VASH2: variants seen among roughly 807,000 people sequenced by gnomAD.
VASH2 encodes vasohibin 2, also known as tubulinyl-Tyr carboxypeptidase 2.
Under a neutral mutation model 37.2 loss-of-function variants are expected in VASH2, and 28 were observed. The ratio of observed to expected loss-of-function variants is 0.75; its 90% CI spans 0.56 to 1.03. VASH2 has a LOEUF of 1.03. Among genes scored for constraint, VASH2 ranks in the 50% least tolerant of loss-of-function variants. VASH2 has a pLI of 0.00. For missense variants in VASH2, 419 were observed against 459.1 expected, an observed-to-expected ratio of 0.91 and a Z score of 0.80; for synonymous variants, 188 against 174.7, an observed-to-expected ratio of 1.08 and a Z score of -0.60.
At chr1:212,953,707 A>C (rs928028227) in intron 2 of VASH2, among the ~76,000 whole-genome samples, 4 of 152,162 alleles carry the variant, frequency 2.6e-5, no homozygotes, top group Non-Finnish European at 4.4e-5. Flanking sequence ...ATGGGAATAG[A>C]CCAGACTTTG....
chr1:212,965,010 T>A (rs984673855), intron 3 of VASH2, among the ~76,000 whole-genome samples: 41 of 151,946 alleles, frequency 2.7e-4, no homozygotes, highest in African/African-American at 9.9e-4. Context: ...AAATTCTGCC[T>A]CTTAGATTCA....
intron 6 of VASH2, chr1:212,973,501 C>A: frequency 7.7e-7 from 1 of 1,290,744 alleles, no homozygotes; most frequent in East Asian, 5.5e-5. Flanking sequence ...GACTTGTCAT[C>A]TTCACTCTGC....
intron 2 of VASH2, among the ~76,000 whole-genome samples, chr1:212,960,413 C>G (rs1043929691): frequency 2.0e-5 from 3 of 152,056 alleles, no homozygotes; most frequent in Non-Finnish European, 4.4e-5. Flanking sequence ...AGAGTCGAGG[C>G]AAGAGGAGGG....
chr1:212,982,324 G>T (rs1333318864), intron 7 of VASH2, among the ~76,000 whole-genome samples: 2 of 152,282 alleles, frequency 1.3e-5, no homozygotes, highest in Admixed American at 6.5e-5. Flanking sequence ...TGTTGCCGGA[G>T]AACCTTGAAA....
chr1:212,985,844 C>T (rs923802876), intron 7 of VASH2, among the ~76,000 whole-genome samples: 1 of 152,200 alleles, frequency 6.6e-6, no homozygotes, highest in African/African-American at 2.4e-5. Flanking sequence ...CTACTAACTG[C>T]CACACCACAC....
At chr1:212,979,591 T>C (rs114679151) in intron 7 of VASH2, among the ~76,000 whole-genome samples, 162 of 152,310 alleles carry the variant, frequency 1.1e-3, no homozygotes, top group African/African-American at 3.8e-3. Flanking sequence ...AGCCTTGAAT[T>C]CCTCTCCATT....
chr1:212,963,713 T>C (rs1338909393), intron 3 of VASH2, among the ~76,000 whole-genome samples: 1 of 152,090 alleles, frequency 6.6e-6, no homozygotes, highest in Non-Finnish European at 1.5e-5. Flanking sequence ...CCAGCCCACT[T>C]TCAGGGACTC....
At chr1:212,975,352 CT>C (rs1284144502) in intron 7 of VASH2, among the ~76,000 whole-genome samples, 1 of 152,200 alleles carries the variant, frequency 6.6e-6, no homozygotes, top group Non-Finnish European at 1.5e-5. Flanking sequence ...GGCTGTCGTT[CT>C]GGGTTGGGAA....
intron 3 of VASH2, 40 bp downstream of exon 3, chr1:212,961,294 G>A (rs757466503): frequency 6.2e-7 from 1 of 1,613,614 alleles, no homozygotes; most frequent in Non-Finnish European, 8.5e-7. Context: ...CCAGCCAGGG[G>A]ACAGGCATGG....
In VASH2 at chr1:212,972,981, G is replaced by A; in HGVS notation, c.879+20G>A. On this transcript the variant is annotated intron_variant, in intron 6 of 7. Coordinates refer to ENST00000517399, the MANE Select transcript of VASH2 (RefSeq NM_001301056.2). ...ATGAAGGTGGGTGCTGGGAAGACAA[G>A]GAAGCCATGCAGGAGAGCTCTTTTC... 6.2e-7 allele frequency: 1 copy of A among 1,603,202 alleles called. No individual in the cohort carries two copies. The highest frequency in any genetic ancestry group is 8.5e-7 in the Non-Finnish European group (1 of 1,179,470).
At chr1:212,966,884 T>A in intron 5 of VASH2, 1 of 364,160 alleles carries the variant, frequency 2.7e-6, no homozygotes, top group Non-Finnish European at 5.4e-6. Flanking sequence ...CAGGCCACCA[T>A]GCCCGGCTAA....
In VASH2 at chr1:212,990,819, CCTA is replaced by C. The variant is rs1444071922; in HGVS notation, c.*2238_*2240del. 1 of 152,000 alleles carries C rather than the reference CCTA, an allele frequency of 6.6e-6. No homozygotes were observed. The highest frequency in any genetic ancestry group is 1.5e-5 in the Non-Finnish European group (1 of 68,018). 9.4% of individuals were successfully genotyped at this position (152,000 alleles called of 1,614,324 possible). ...CATTTAAAATGTTCTTAGTTGTCAT[CCTA>C]CTTTTATTGCCTATGGAATATGCTA... On this transcript the variant is annotated 3_prime_UTR_variant, in exon 8 of 8. Coordinates refer to ENST00000517399, the MANE Select transcript of VASH2 (RefSeq NM_001301056.2).
At chr1:212,964,110 A>G (rs1666762911) in intron 3 of VASH2, among the ~76,000 whole-genome samples, 1 of 152,150 alleles carries the variant, frequency 6.6e-6, no homozygotes, top group African/African-American at 2.4e-5. Flanking sequence ...CTCACCCTGG[A>G]GCTTCCTGCT....
intron 2 of VASH2, among the ~76,000 whole-genome samples, chr1:212,954,936 C>T (rs1380010014): frequency 1.3e-5 from 2 of 152,182 alleles, no homozygotes; most frequent in Non-Finnish European, 2.9e-5. Flanking sequence ...CTGGTCCTGA[C>T]ATTCCCCAAG....
rs1389454499 is a variant in VASH2 at position 212,951,507 on chromosome 1, C to T, written c.-36C>T. ...CGCCGCCGCCGCTGCCGCCGCCGCG[C>T]GCCCCCAGTACCTCGCTCCCCGCCC... On this transcript the variant is annotated 5_prime_UTR_variant, in exon 2 of 8. Coordinates refer to ENST00000517399, the MANE Select transcript of VASH2 (RefSeq NM_001301056.2). This position sits in a 1 kb window ranked among gnomAD's most constrained non-coding sequence, Gnocchi z 4.4. The T allele has an allele frequency of 4.1e-6, 5 of 1,222,920 alleles. No individual in the cohort carries two copies. The highest frequency in any genetic ancestry group is 8.6e-5 in the Admixed American group (2 of 23,282). The allele number at this position is 1,222,920 out of a possible 1,614,324, so 75.8% of individuals were successfully genotyped here.
chr1:212,961,352 C>A, intron 3 of VASH2, 98 bp downstream of exon 3: 1 of 1,595,468 alleles, frequency 6.3e-7, no homozygotes, highest in East Asian at 2.2e-5. Context: ...TCATCAAAAG[C>A]TCTCTAAGGT....
rs1450654960 is a variant in VASH2 at position 212,971,350 on chromosome 1, ATTATT to A, written c.498-1228_498-1224del. ...CCAGGTCCTAGGGTAATCCTGTTGA[ATTATT>A]TGAGGAATTGCCATACTGATCACAT... On this transcript the variant is annotated intron_variant, in intron 5 of 7. Coordinates refer to ENST00000517399, the MANE Select transcript of VASH2 (RefSeq NM_001301056.2). The surrounding 1 kb of genome is among the most constrained non-coding windows in gnomAD (Gnocchi z 4.0). 8.5e-5 allele frequency among the ~76,000 whole-genome samples: 13 copies of A among 152,120 alleles called. No homozygotes were observed. The highest frequency in any genetic ancestry group is 7.9e-4 in the Admixed American group (12 of 15,274).
In VASH2 at chr1:212,951,013, G is replaced by T. The variant is rs1666287334; in HGVS notation, c.-205+273G>T. On this transcript the variant is annotated intron_variant, in intron 1 of 7. Coordinates refer to ENST00000517399, the MANE Select transcript of VASH2 (RefSeq NM_001301056.2). The surrounding 1 kb of genome is among the most constrained non-coding windows in gnomAD (Gnocchi z 4.4). Reference sequence around the variant, plus strand: ...TGGCCACATCTGAGGACCCAGGAATGTGTGGAGCCTTGCGGGAACCTCCTG... The same window carrying T: ...TGGCCACATCTGAGGACCCAGGAATTTGTGGAGCCTTGCGGGAACCTCCTG... Among the ~76,000 whole-genome samples the T allele has an allele frequency of 6.6e-6, 1 of 152,234 alleles. No individual in the cohort carries two copies. The highest frequency in any genetic ancestry group is 1.5e-5 in the Non-Finnish European group (1 of 68,042).
intron 7 of VASH2, among the ~76,000 whole-genome samples, chr1:212,977,177 G>A (rs1667202053): frequency 1.4e-5 from 1 of 69,622 alleles, no homozygotes; most frequent in African/African-American, 8.2e-5. Flanking sequence ...TGATGGAGCT[G>A]ATGCAGGCCA....
Sources: gnomAD v4.1 joint callset for allele counts (sites outside exome capture counted in the v4.1 genomes callset) on GRCh38, gnomAD v4.1.1 for gene constraint, Gnocchi (gnomAD v3.1) non-coding constraint, MANE v1.5 for transcripts, NCBI Gene and HGNC (gene_info 2026-07-23, HGNC 2026-07-21) for gene names.